The following OCA2 variants were observed in gnomAD, a reference collection of about 807,000 sequenced individuals.
OCA2 encodes the protein P protein.
Under a neutral mutation model 100.2 loss-of-function variants are expected in OCA2, and 77 were observed. The observed-to-expected ratio is 0.77, with a 90% confidence interval of 0.64 to 0.93. The LOEUF (loss-of-function observed/expected upper bound fraction) is 0.93, where lower values mean the gene tolerates loss of function less well. Ranked by LOEUF, OCA2 falls within the 40% of genes least tolerant of loss-of-function variation. OCA2 has a pLI of 0.00. For synonymous variants in OCA2, 432 were observed against 439.2 expected (o/e 0.98, Z 0.21); for missense variants, 1,062 against 1,089.1 (o/e 0.98, Z 0.35).
At chr15:27,863,827 CATT>C (rs1254487809) in intron 21 of OCA2, among the ~76,000 whole-genome samples, 1 of 152,160 alleles carries the variant, frequency 6.6e-6, no homozygotes, top group Admixed American at 6.5e-5. Flanking sequence ...TTGTTGAAAA[CATT>C]ATAGGTTTTA....
At chr15:27,798,446 T>C (rs966876374) in intron 23 of OCA2, among the ~76,000 whole-genome samples, 6 of 152,238 alleles carry the variant, frequency 3.9e-5, no homozygotes, top group Non-Finnish European at 8.8e-5. Flanking sequence ...TATAATGACT[T>C]ATAATTGTTT....
At chr15:27,915,315 C>T (rs1408573841) in intron 19 of OCA2, among the ~76,000 whole-genome samples, 1 of 152,124 alleles carries the variant, frequency 6.6e-6, no homozygotes, top group African/African-American at 2.4e-5. Flanking sequence ...GATTTCACGA[C>T]AAAGACCCCA....
chr15:28,004,822 C>A (rs2042042386), intron 9 of OCA2, among the ~76,000 whole-genome samples: 1 of 152,028 alleles, frequency 6.6e-6, no homozygotes, highest in South Asian at 2.1e-4. Flanking sequence ...AACAGTAATA[C>A]ACATACTCAT....
At chr15:27,844,622 C>T (rs1241847544) in intron 23 of OCA2, among the ~76,000 whole-genome samples, 1 of 152,126 alleles carries the variant, frequency 6.6e-6, no homozygotes, top group Admixed American at 6.5e-5. Flanking sequence ...CTTCAGCCTC[C>T]TGAGTAGCTG....
At chr15:28,026,544 T>G in intron 4 of OCA2, among the ~76,000 whole-genome samples, 1 of 152,098 alleles carries the variant, frequency 6.6e-6, no homozygotes. Context: ...AGAGTCACAG[T>G]GGGAAGAGAC....
intron 18 of OCA2, among the ~76,000 whole-genome samples, chr15:27,949,097 TAAAGAG>T (rs1314446476): frequency 1.3e-5 from 2 of 151,472 alleles, no homozygotes; most frequent in Admixed American, 6.6e-5. Flanking sequence ...AAAAAAAAAA[TAAAGAG>T]AAAGAGTCAA....
intron 22 of OCA2, 32 bp downstream of exon 22, chr15:27,851,349 AC>A (rs755773608): frequency 1.3e-6 from 2 of 1,553,384 alleles, no homozygotes; most frequent in South Asian, 2.3e-5. Context: ...GTGGGCGTGC[AC>A]CCCCACCCCC....
chr15:27,948,654 C>A (rs1595700761), intron 18 of OCA2, among the ~76,000 whole-genome samples: 1 of 151,944 alleles, frequency 6.6e-6, no homozygotes. Flanking sequence ...TTTGTAGAGA[C>A]GGGATTTTGC....
At chr15:27,825,893 T>C (rs979230784) in intron 23 of OCA2, among the ~76,000 whole-genome samples, 6 of 152,226 alleles carry the variant, frequency 3.9e-5, no homozygotes, top group Admixed American at 3.9e-4. Context: ...TACTTTAGCT[T>C]CACAGTGCAC....
chr15:27,894,714 G>A (rs895832), intron 19 of OCA2, among the ~76,000 whole-genome samples: 61,823 of 152,052 alleles, frequency 0.41, 14,026 homozygotes, highest in South Asian at 0.63. Context: ...TCCAGCCTTG[G>A]TGCTGCCCAC....
At chr15:27,835,815 G>A (rs1396882906) in intron 23 of OCA2, among the ~76,000 whole-genome samples, 1 of 152,148 alleles carries the variant, frequency 6.6e-6, no homozygotes, top group Non-Finnish European at 1.5e-5. Flanking sequence ...TGGGCTCTGT[G>A]CCATCCTCCC....
At chr15:27,737,020 T>TA in the OCA2 span, among the ~76,000 whole-genome samples, 15 of 151,358 alleles carry the variant, frequency 9.9e-5, no homozygotes, top group African/African-American at 3.7e-4. Flanking sequence ...GGCCAACACA[T>TA]ACAAAAAAAT....
At chr15:27,951,989 G>A (rs1019836564) in intron 17 of OCA2, 97 bp from the exon 18 acceptor site, 58 of 870,288 alleles carry the variant, frequency 6.7e-5, no homozygotes, top group Middle Eastern at 2.1e-4. Flanking sequence ...CAGATTTCAC[G>A]AGGATGAAAA....
At chr15:27,962,060 G>A (rs914573281) in intron 15 of OCA2, among the ~76,000 whole-genome samples, 4 of 152,034 alleles carry the variant, frequency 2.6e-5, no homozygotes, top group Non-Finnish European at 5.9e-5. Flanking sequence ...GAAGATGACT[G>A]ATATTTATCT....
chr15:27,872,536 C>T (rs1027097420), intron 19 of OCA2, among the ~76,000 whole-genome samples: 1 of 152,172 alleles, frequency 6.6e-6, no homozygotes, highest in African/African-American at 2.4e-5. Flanking sequence ...CACGACCGAG[C>T]CACTGTGAGA....
intron 19 of OCA2, among the ~76,000 whole-genome samples, chr15:27,887,008 C>T (rs1334398399): frequency 6.6e-6 from 1 of 152,160 alleles, no homozygotes; most frequent in Non-Finnish European, 1.5e-5. Flanking sequence ...CTGCTCTTTC[C>T]CAGCTGTTCT....
chr15:27,972,611 T>G lies in OCA2; in HGVS notation c.1504-5789A>C, dbSNP rs567031463. 2.0e-5 allele frequency among the ~76,000 whole-genome samples: 3 copies of G among 152,296 alleles called. No homozygotes were observed. The East Asian group carries it at 5.8e-4, about 29-fold the overall frequency. On this transcript the variant is annotated intron_variant, in intron 14 of 23. Coordinates refer to ENST00000354638, the MANE Select transcript of OCA2 (RefSeq NM_000275.3). Reference sequence around the variant, plus strand: ...TTGTATTTCCTGATGATTAGTGATGTTCAGCATTTTTTCATATGTTTCTTG... The same window carrying G: ...TTGTATTTCCTGATGATTAGTGATGGTCAGCATTTTTTCATATGTTTCTTG...
downstream of OCA2, among the ~76,000 whole-genome samples, chr15:27,753,705 C>A (rs983269920): frequency 2.6e-5 from 4 of 151,644 alleles, no homozygotes; most frequent in African/African-American, 9.7e-5. Flanking sequence ...CCACTACACT[C>A]CAGCCTGGGC....
At chr15:27,785,664 A>C (rs1229415514) in intron 23 of OCA2, among the ~76,000 whole-genome samples, 1 of 152,224 alleles carries the variant, frequency 6.6e-6, no homozygotes, top group Non-Finnish European at 1.5e-5. Flanking sequence ...TTGTGGGGCC[A>C]CTATGGAAGA....
Sources: gnomAD v4.1 joint callset for allele counts (sites outside exome capture counted in the v4.1 genomes callset) on GRCh38, gnomAD v4.1.1 for gene constraint, MANE v1.5 for transcripts, NCBI Gene and HGNC (gene_info 2026-07-23, HGNC 2026-07-21) for gene names.